The following KIRREL3 variants were observed in gnomAD, a reference collection of about 807,000 sequenced individuals.
KIRREL3 encodes kin of IRRE-like protein 3.
Under a neutral mutation model 89.7 loss-of-function variants are expected in KIRREL3, and 36 were observed. The observed-to-expected ratio is 0.40, with a 90% CI of 0.31 to 0.53. The LOEUF is 0.53. Among genes scored for constraint, KIRREL3 ranks in the 20% least tolerant of loss-of-function variants. The pLI is 0.49. For synonymous variants in KIRREL3, 445 were observed against 441.4 expected (o/e 1.01, Z -0.10); for missense variants, 864 against 1,056.6 (o/e 0.82, Z 2.53).
In KIRREL3 at chr11:126,430,922, T is replaced by C; in HGVS notation, c.1696+497A>G. The C allele has an allele frequency of 1.0e-6, 1 of 972,926 alleles. No individual in the cohort carries two copies. Among genetic ancestry groups the C allele is most frequent in the South Asian group, 4.5e-5 (1 of 22,282 alleles). 60.3% of individuals were successfully genotyped at this position (972,926 alleles called of 1,614,324 possible). ...TGCACAAACACTAGAATTTTATTGGTAATCACTGAAGACCTTTAAAAGTTT... is the reference window on the plus strand; with the variant it reads ...TGCACAAACACTAGAATTTTATTGGCAATCACTGAAGACCTTTAAAAGTTT... On this transcript the variant is annotated intron_variant, in intron 14 of 16. Transcript: ENST00000525144. The surrounding 1 kb of genome is among the most constrained non-coding windows in gnomAD (Gnocchi z 6.6).
Position 126,515,979 on chromosome 11 carries a change from C to A in KIRREL3, c.433+5336G>T, listed in dbSNP as rs530530775. Among the ~76,000 whole-genome samples, 156 of 152,308 alleles carry A rather than the reference C, an allele frequency of 1.0e-3. 1 individual carries two copies. Among genetic ancestry groups the A allele is most frequent in the Non-Finnish European group, 1.7e-3 (114 of 68,034 alleles). On this transcript the variant is annotated intron_variant, in intron 4 of 16. Transcript: ENST00000525144. This position sits in a 1 kb window ranked among gnomAD's most constrained non-coding sequence, Gnocchi z 4.2. ...ATTCACCACTGTTCTCTGGACCCAT[C>A]TCCCCAGAAGATTCATGGATGGGAG... is the stretch of plus-strand genomic sequence containing the variant.
At chr11:126,737,148 G>A (rs34819764) in intron 1 of KIRREL3, among the ~76,000 whole-genome samples, 4,151 of 152,264 alleles carry the variant, frequency 0.027, 82 homozygotes, top group Admixed American at 0.046. Flanking sequence ...GAAAATGAAT[G>A]TGTCCCCTGA....
At position 126,560,212 on chromosome 11, in the gene KIRREL3, GTTGATTTCTGTTTGTATCTCCTT is replaced by G. The variant is rs532802221; in HGVS notation, c.133+2600_133+2622del. Among the ~76,000 whole-genome samples, 222 of 152,090 alleles carry G rather than the reference GTTGATTTCTGTTTGTATCTCCTT, an allele frequency of 1.5e-3. 1 individual carries two copies. Among genetic ancestry groups the G allele is most frequent in the African/African-American group, 4.9e-3 (205 of 41,450 alleles). ...CTTCCTCCTTTCTTGCCTGCCCTTTGTTGATTTCTGTTTGTATCTCCTTTTGATGGCTCAATTGTGTTGGGTCC... is the reference window on the plus strand; with the variant it reads ...CTTCCTCCTTTCTTGCCTGCCCTTTGTTGATGGCTCAATTGTGTTGGGTCC... On this transcript the variant is annotated intron_variant, in intron 2 of 16. Transcript: ENST00000525144.
At chr11:126,821,606 A>G (rs1943230017) in intron 1 of KIRREL3, among the ~76,000 whole-genome samples, 1 of 151,970 alleles carries the variant, frequency 6.6e-6, no homozygotes, top group African/African-American at 2.4e-5. Flanking sequence ...TGAATGTGTG[A>G]ATGTGAATGT....
At chr11:126,980,227 C>G (rs1456882443) in intron 1 of KIRREL3, among the ~76,000 whole-genome samples, 1 of 152,142 alleles carries the variant, frequency 6.6e-6, no homozygotes, top group African/African-American at 2.4e-5. Flanking sequence ...ATGGCATATC[C>G]AGGGAAAATC....
rs1198319460 is a variant in KIRREL3, at chr11:126,983,690, C to T, written c.55+16765G>A. Among the ~76,000 whole-genome samples, 1 of 152,108 alleles carries T rather than the reference C, an allele frequency of 6.6e-6. No homozygotes were observed. Among genetic ancestry groups the T allele is most frequent in the Non-Finnish European group, 1.5e-5 (1 of 68,022 alleles). ...AAGAAATTGATTTTCCCTATAGCCT[C>T]CAGAAAGAAACAGCCCTGCAGCACC... On this transcript the variant is annotated intron_variant, in intron 1 of 16. Transcript: ENST00000525144. This position sits in a 1 kb window ranked among gnomAD's most constrained non-coding sequence, Gnocchi z 4.9.
At position 126,905,259 on chromosome 11, in the gene KIRREL3, T is replaced by C. The variant is rs143946823; in HGVS notation, c.55+95196A>G. Among the ~76,000 whole-genome samples the C allele has an allele frequency of 4.7e-4, 71 of 152,224 alleles. No individual in the cohort carries two copies. The highest frequency in any genetic ancestry group is 1.7e-3 in the African/African-American group (70 of 41,534). ...CAAGGGGAGGGTGGGTGATATTTTTTAGTGAAGGAGATGCTTCCGGGGGGA... is the reference window on the plus strand; with the variant it reads ...CAAGGGGAGGGTGGGTGATATTTTTCAGTGAAGGAGATGCTTCCGGGGGGA... On this transcript the variant is annotated intron_variant, in intron 1 of 16. Transcript: ENST00000525144. The surrounding 1 kb of genome is among the most constrained non-coding windows in gnomAD (Gnocchi z 5.0).
chr11:126,949,558 T>C (rs1948718964), intron 1 of KIRREL3, among the ~76,000 whole-genome samples: 1 of 152,176 alleles, frequency 6.6e-6, no homozygotes, highest in Admixed American at 6.5e-5. Flanking sequence ...GCTCTCACCC[T>C]TGGAGATCAG....
At chr11:126,840,094 T>C (rs939837869) in intron 1 of KIRREL3, among the ~76,000 whole-genome samples, 1 of 152,210 alleles carries the variant, frequency 6.6e-6, no homozygotes, top group African/African-American at 2.4e-5. Flanking sequence ...AATTAAGTTA[T>C]ATGGGTGTCT....
chr11:126,921,296 C>G (rs1947265071), intron 1 of KIRREL3, among the ~76,000 whole-genome samples: 3 of 152,176 alleles, frequency 2.0e-5, no homozygotes, highest in Admixed American at 1.3e-4. Context: ...GCCGGCTATC[C>G]TGGGTCTCCA....
At chr11:126,923,138 T>C (rs1947443479) in intron 1 of KIRREL3, among the ~76,000 whole-genome samples, 1 of 12,400 alleles carries the variant, frequency 8.1e-5, no homozygotes, top group Non-Finnish European at 1.5e-4. Flanking sequence ...TCTCTTCTTC[T>C]TCTTCTTCTT....
chr11:126,692,476 C>T (rs987849413), intron 1 of KIRREL3, among the ~76,000 whole-genome samples: 21 of 120,036 alleles, frequency 1.7e-4, no homozygotes, highest in African/African-American at 3.2e-4. Flanking sequence ...ACCCATGAGG[C>T]GGAGGTTGCA....
rs887598180 is a variant in KIRREL3 at position 126,955,699 on chromosome 11, T to A, written c.55+44756A>T. Among the ~76,000 whole-genome samples the A allele has an allele frequency of 2.0e-5, 3 of 152,310 alleles. No individual in the cohort carries two copies. The highest frequency in any genetic ancestry group is 3.4e-3 in the Middle Eastern group (1 of 294). On this transcript the variant is annotated intron_variant, in intron 1 of 16. Transcript: ENST00000525144. This position sits in a 1 kb window ranked among gnomAD's most constrained non-coding sequence, Gnocchi z 4.6. Reference sequence around the variant, plus strand: ...ACAGTGTGTGAACTGAAGAACTACATTTATACCAAAGGCTTGAGCTAGGTG... The same window carrying A: ...ACAGTGTGTGAACTGAAGAACTACAATTATACCAAAGGCTTGAGCTAGGTG...
chr11:126,877,806 A>G lies in KIRREL3; in HGVS notation c.55+122649T>C, dbSNP rs1945346707. Among the ~76,000 whole-genome samples the G allele has an allele frequency of 6.6e-6, 1 of 152,222 alleles. No homozygotes were observed. Among genetic ancestry groups the G allele is most frequent in the Non-Finnish European group, 1.5e-5 (1 of 68,032 alleles). On this transcript the variant is annotated intron_variant, in intron 1 of 16. Transcript: ENST00000525144. This position sits in a 1 kb window ranked among gnomAD's most constrained non-coding sequence, Gnocchi z 4.9. ...AACAGAGAAAGTGACATACAGTAGT[A>G]TGTAATAACAGAAGTATCTTGAACC...
Position 126,639,694 on chromosome 11 carries a change from A to T in KIRREL3, c.56-76782T>A, listed in dbSNP as rs1285945560. ...TTCTCCCTGGTGTTGATTTTGTTCAAATATATTGGGCCCATCAATCACCCA... is the reference window on the plus strand; with the variant it reads ...TTCTCCCTGGTGTTGATTTTGTTCATATATATTGGGCCCATCAATCACCCA... On this transcript the variant is annotated intron_variant, in intron 1 of 16. Transcript: ENST00000525144. The surrounding 1 kb of genome is among the most constrained non-coding windows in gnomAD (Gnocchi z 4.3). Among the ~76,000 whole-genome samples the T allele has an allele frequency of 6.6e-6, 1 of 152,164 alleles. No homozygotes were observed. The highest frequency in any genetic ancestry group is 6.6e-5 in the Admixed American group (1 of 15,266).
At chr11:126,472,857 C>T (rs1028337725) in intron 5 of KIRREL3, among the ~76,000 whole-genome samples, 3 of 151,342 alleles carry the variant, frequency 2.0e-5, no homozygotes, top group Non-Finnish European at 4.4e-5. Context: ...TGAGAGAAAC[C>T]AAAAGGGGCA....
intron 1 of KIRREL3, among the ~76,000 whole-genome samples, chr11:126,767,277 A>C (rs1949853929): frequency 6.6e-6 from 1 of 152,198 alleles, no homozygotes; most frequent in Non-Finnish European, 1.5e-5. Flanking sequence ...TTTCTACCAA[A>C]TCTGACAGGA....
At chr11:126,849,937 A>ACTC (rs10645757) in intron 1 of KIRREL3, among the ~76,000 whole-genome samples, 82,005 of 151,972 alleles carry the variant, frequency 0.54, 22,124 homozygotes, top group Admixed American at 0.59. Context: ...AAAGCTGACA[A>ACTC]CTCCCAAAAT....
rs1465042289 is a variant in KIRREL3 at position 126,522,124 on chromosome 11, A to G, written c.284-660T>C. On this transcript the variant is annotated intron_variant, in intron 3 of 16. Transcript: ENST00000525144. This position sits in a 1 kb window ranked among gnomAD's most constrained non-coding sequence, Gnocchi z 6.0. ...AAGGAAAGAGGGAGAAGAGATGGAA[A>G]TGCTAAGCGTGGACAGACACCGCTG... Among the ~76,000 whole-genome samples, 1 of 152,132 alleles carries G rather than the reference A, an allele frequency of 6.6e-6. No individual in the cohort carries two copies. The highest frequency in any genetic ancestry group is 1.5e-5 in the Non-Finnish European group (1 of 68,028).
Sources: allele counts gnomAD v4.1 joint callset (sites outside exome capture counted in the v4.1 genomes callset), GRCh38; gene constraint gnomAD v4.1.1; non-coding constraint Gnocchi (gnomAD v3.1); transcripts MANE v1.5; gene names NCBI Gene and HGNC (gene_info 2026-07-23, HGNC 2026-07-21).